The following ADK variants were observed in gnomAD, a reference collection of about 807,000 sequenced individuals.
The protein encoded by ADK is adenosine kinase.
A neutral mutation model predicts 44.7 loss-of-function variants in ADK; 24 were observed. The observed-to-expected ratio is 0.54, with a 90% CI of 0.39 to 0.76. ADK has a LOEUF of 0.76. ADK is among the 30% of genes least tolerant of loss of function. ADK has a pLI of 0.00. For synonymous variants in ADK, 128 were observed against 142.6 expected, an observed-to-expected ratio of 0.90 and a Z score of 0.73; for missense variants, 321 against 425.1, an observed-to-expected ratio of 0.76 and a Z score of 2.15.
At chr10:74,509,359 ATGT>A (rs1054783931) in intron 6 of ADK, 3 of 152,144 alleles carry the variant, frequency 2.0e-5, no homozygotes, top group African/African-American at 7.2e-5. Flanking sequence ...TACCTAGCTA[ATGT>A]TTGTATTTTT....
chr10:74,321,484 A>G (rs1271287511), intron 4 of ADK, among the ~76,000 whole-genome samples: 2 of 151,948 alleles, frequency 1.3e-5, no homozygotes, highest in Admixed American at 1.3e-4. Flanking sequence ...GGGTTTTGCC[A>G]TATTAACCGG....
chr10:74,708,367 C>A lies in ADK; in HGVS notation c.1011C>A (p.Ile337=). ...LVSDKPLTEC[I]RAGHYAASII... ...CTGACAAGCCTCTGACTGAATGTATCCGTGCTGGCCACTATGCAGCAAGCA... is the reference window on the plus strand; with the variant it reads ...CTGACAAGCCTCTGACTGAATGTATACGTGCTGGCCACTATGCAGCAAGCA... Residue 337 remains isoleucine, a synonymous_variant, in exon 11 of 11, where the codon ATC becomes ATA. Transcript: ENST00000539909. The A allele has an allele frequency of 6.2e-7, 1 of 1,612,440 alleles. No individual in the cohort carries two copies. Among genetic ancestry groups the A allele is most frequent in the Non-Finnish European group, 8.5e-7 (1 of 1,179,482 alleles).
chr10:74,511,062 T>A (rs1339587071), intron 6 of ADK, among the ~76,000 whole-genome samples: 5 of 152,194 alleles, frequency 3.3e-5, no homozygotes. Flanking sequence ...GAAGTGTAGT[T>A]TCATTCTTCT....
At chr10:74,290,074 A>ATG (rs1847347397) in intron 3 of ADK, among the ~76,000 whole-genome samples, 7 of 147,628 alleles carry the variant, frequency 4.7e-5, no homozygotes, top group Admixed American at 2.7e-4. Flanking sequence ...TAAACTACTC[A>ATG]CGCGCACACA....
intron 7 of ADK, among the ~76,000 whole-genome samples, chr10:74,531,446 T>A (rs947843025): frequency 2.0e-5 from 3 of 152,246 alleles, no homozygotes; most frequent in Non-Finnish European, 2.9e-5. Flanking sequence ...CTGTTTAGAT[T>A]ATTAAAGAAA....
intron 6 of ADK, among the ~76,000 whole-genome samples, chr10:74,466,729 T>C (rs1376866337): frequency 3.3e-5 from 5 of 152,208 alleles, no homozygotes; most frequent in Admixed American, 1.3e-4. Flanking sequence ...TTAAAGTTGC[T>C]GATTTTTGCA....
chr10:74,708,398 A>G lies in ADK; in HGVS notation c.1042A>G (p.Ile348Val), dbSNP rs1183673292. The change falls in exon 11 of 11, where the codon ATT (isoleucine) becomes GTT (valine). Residue 348 changes from isoleucine to valine, a missense_variant. By Grantham distance (29) the Ile-to-Val change is conservative. Coordinates refer to ENST00000539909, the MANE Select transcript of ADK (RefSeq NM_006721.4). ...TGGCCACTATGCAGCAAGCATCATA[A>G]TTAGACGGACTGGCTGCACCTTTCC... ...RAGHYAASII[I>V]RRTGCTFPEK... The G allele has an allele frequency of 6.2e-7, 1 of 1,612,936 alleles. No homozygotes were observed. Among genetic ancestry groups the G allele is most frequent in the Non-Finnish European group, 8.5e-7 (1 of 1,179,664 alleles).
chr10:74,469,154 G>A (rs1846467005), intron 6 of ADK, among the ~76,000 whole-genome samples: 1 of 152,004 alleles, frequency 6.6e-6, no homozygotes, highest in African/African-American at 2.4e-5. Flanking sequence ...CCTGAGCAAT[G>A]TTGCAAAACC....
chr10:74,438,225 T>G (rs1463671368), intron 6 of ADK, among the ~76,000 whole-genome samples: 1 of 148,872 alleles, frequency 6.7e-6, no homozygotes, highest in Non-Finnish European at 1.5e-5. Context: ...TCCTTGCCTC[T>G]CTCTCTCTTT....
At chr10:74,698,866 G>GT (rs1231804190) in intron 10 of ADK, among the ~76,000 whole-genome samples, 1 of 150,368 alleles carries the variant, frequency 6.7e-6, no homozygotes, top group African/African-American at 2.4e-5. Context: ...ACTTGTTTTT[G>GT]TTTTTTTGTT....
intron 3 of ADK, among the ~76,000 whole-genome samples, chr10:74,278,353 CA>C (rs1225150992): frequency 5.5e-4 from 34 of 61,510 alleles, no homozygotes; most frequent in Admixed American, 3.5e-3. Context: ...GACCCCATCT[CA>C]AAAAAAAAAA....
Position 74,261,185 on chromosome 10 carries a change from A to C in ADK, c.194+36594A>C, listed in dbSNP as rs372079147. Among the ~76,000 whole-genome samples the C allele has an allele frequency of 8.5e-5, 13 of 152,282 alleles. No individual in the cohort carries two copies. In the East Asian group the frequency reaches 2.3e-3, roughly 27 times the overall value. Reference sequence around the variant, plus strand: ...GCACATTACATTCATTTGCTTAAACAAATATTTGGTCCCCCTTTCCCACCA... The same window carrying C: ...GCACATTACATTCATTTGCTTAAACCAATATTTGGTCCCCCTTTCCCACCA... On this transcript the variant is annotated intron_variant, in intron 3 of 10. Transcript: ENST00000539909.
chr10:74,480,226 CTT>C (rs1554865928), intron 6 of ADK, among the ~76,000 whole-genome samples: 6 of 133,090 alleles, frequency 4.5e-5, no homozygotes, highest in Admixed American at 1.5e-4. Context: ...TTCTTTCTTT[CTT>C]TTTTTTTTTT....
At chr10:74,497,886 CT>C (rs550233278) in intron 6 of ADK, among the ~76,000 whole-genome samples, 7,264 of 144,928 alleles carry the variant, frequency 0.05, 529 homozygotes, top group African/African-American at 0.16. Context: ...AAGACCTTTT[CT>C]TTTTTTTTTT....
chr10:74,508,137 TGAGGC>T (rs1848154279), intron 6 of ADK, among the ~76,000 whole-genome samples: 1 of 152,138 alleles, frequency 6.6e-6, no homozygotes, highest in African/African-American at 2.4e-5. Context: ...TGCTGGGGTG[TGAGGC>T]ATTTGGATTC....
intron 3 of ADK, among the ~76,000 whole-genome samples, chr10:74,291,583 G>T (rs1386085994): frequency 3.9e-5 from 6 of 152,068 alleles, no homozygotes; most frequent in Non-Finnish European, 8.8e-5. Flanking sequence ...ATGTACAGCA[G>T]TGGTCAAATC....
chr10:74,274,989 A>T (rs1846617328), intron 3 of ADK, among the ~76,000 whole-genome samples: 1 of 151,704 alleles, frequency 6.6e-6, no homozygotes, highest in African/African-American at 2.4e-5. Flanking sequence ...GAAATGGAGA[A>T]TGTAGACAGT....
intron 10 of ADK, among the ~76,000 whole-genome samples, 175 bp from the exon 11 acceptor site, chr10:74,708,143 CCAT>C (rs1261997681): frequency 8.3e-6 from 1 of 119,858 alleles, no homozygotes; most frequent in Non-Finnish European, 1.7e-5. Flanking sequence ...GGGCAAGACT[CCAT>C]CTCGGGGAAA....
intron 6 of ADK, among the ~76,000 whole-genome samples, chr10:74,442,993 G>T (rs1845477350): frequency 6.6e-6 from 1 of 152,184 alleles, no homozygotes; most frequent in Non-Finnish European, 1.5e-5. Context: ...AGAAAGTGTG[G>T]TTGGGGGAGG....
Sources: allele counts gnomAD v4.1 joint callset (sites outside exome capture counted in the v4.1 genomes callset), GRCh38; gene constraint gnomAD v4.1.1; transcripts MANE v1.5; gene names NCBI Gene and HGNC (gene_info 2026-07-23, HGNC 2026-07-21).